Variants in PDE10A observed in about 807,000 individuals in gnomAD.
The protein encoded by PDE10A is cAMP and cAMP-inhibited cGMP 3',5'-cyclic phosphodiesterase 10A.
PDE10A carries 39 observed loss-of-function variants against 97.7 expected under a neutral mutation model. The ratio of observed to expected loss-of-function variants is 0.40; its 90% CI spans 0.31 to 0.52. The LOEUF is 0.52. Among genes scored for constraint, PDE10A ranks in the 20% least tolerant of loss-of-function variants. The pLI, the probability that PDE10A is intolerant of heterozygous loss-of-function variation, is 0.56. For missense variants in PDE10A, 731 were observed against 1,047.8 expected (o/e 0.70, Z 4.17); for synonymous variants, 371 against 376.8 (o/e 0.98, Z 0.18).
chr6:165,742,777 C>G (rs1053965814), intron 1 of PDE10A, among the ~76,000 whole-genome samples: 2 of 152,134 alleles, frequency 1.3e-5, no homozygotes, highest in Admixed American at 1.3e-4. Context: ...AGCCTCTCAG[C>G]TGTGCTCTTC....
At chr6:165,401,778 T>A (rs975315935) in intron 13 of PDE10A, among the ~76,000 whole-genome samples, 23 of 152,308 alleles carry the variant, frequency 1.5e-4, no homozygotes, top group African/African-American at 5.3e-4. Context: ...GTGCATGAAC[T>A]TTCTGAAAGC....
chr6:165,967,700 C>A (rs1784552896), intron 1 of PDE10A, among the ~76,000 whole-genome samples: 1 of 152,204 alleles, frequency 6.6e-6, no homozygotes, highest in Non-Finnish European at 1.5e-5. Flanking sequence ...TAATACACAT[C>A]TGTCTTTTAA....
At chr6:165,591,794 T>C (rs911562249) in intron 1 of PDE10A, among the ~76,000 whole-genome samples, 12 of 152,308 alleles carry the variant, frequency 7.9e-5, no homozygotes, top group South Asian at 6.2e-4. Flanking sequence ...TCTATGCTGT[T>C]TACAAGAAGA....
At chr6:165,622,388 C>A (rs1272412760) in intron 1 of PDE10A, among the ~76,000 whole-genome samples, 1 of 152,106 alleles carries the variant, frequency 6.6e-6, no homozygotes, top group Non-Finnish European at 1.5e-5. Flanking sequence ...AGTGGACTTA[C>A]ACAAACCCAT....
chr6:165,518,905 C>A (rs1172715802), intron 2 of PDE10A, among the ~76,000 whole-genome samples: 1 of 152,130 alleles, frequency 6.6e-6, no homozygotes, highest in African/African-American at 2.4e-5. Flanking sequence ...CAATTGATGG[C>A]AACAGGGTTT....
At chr6:165,980,885 G>A (rs1300537581) in intron 1 of PDE10A, among the ~76,000 whole-genome samples, 3 of 152,144 alleles carry the variant, frequency 2.0e-5, no homozygotes, top group Admixed American at 6.5e-5. Flanking sequence ...TTCATGTCAC[G>A]GTTGGGCAGT....
chr6:165,907,618 G>A (rs1158914694), intron 1 of PDE10A, among the ~76,000 whole-genome samples: 4 of 152,220 alleles, frequency 2.6e-5, no homozygotes, highest in South Asian at 4.1e-4. Context: ...TCAGGGGTTC[G>A]TGTGCTGCCC....
chr6:165,826,547 GTC>G (rs761297742), intron 1 of PDE10A, among the ~76,000 whole-genome samples: 3 of 150,790 alleles, frequency 2.0e-5, no homozygotes, highest in South Asian at 2.1e-4. Flanking sequence ...CTCTGTCCCC[GTC>G]TCTCTCTCTC....
At chr6:165,676,587 G>A (rs1192966883) in intron 1 of PDE10A, among the ~76,000 whole-genome samples, 2 of 151,992 alleles carry the variant, frequency 1.3e-5, no homozygotes, top group East Asian at 1.9e-4. Context: ...GGGGATAGCC[G>A]TGAGAGGGGT....
chr6:165,820,837 T>C (rs1779549499), intron 1 of PDE10A, among the ~76,000 whole-genome samples: 1 of 152,210 alleles, frequency 6.6e-6, no homozygotes, highest in Non-Finnish European at 1.5e-5. Context: ...CTTTACACCT[T>C]CTAAGTGAAG....
intron 1 of PDE10A, among the ~76,000 whole-genome samples, chr6:165,906,890 G>A (rs966729977): frequency 7.8e-4 from 118 of 152,166 alleles, no homozygotes; most frequent in Non-Finnish European, 8.1e-4. Context: ...ACGGTAGATC[G>A]GAGTCCAGGT....
intron 1 of PDE10A, among the ~76,000 whole-genome samples, chr6:165,653,366 G>A (rs1247493746): frequency 1.3e-5 from 2 of 152,172 alleles, no homozygotes; most frequent in Non-Finnish European, 2.9e-5. Context: ...ATGGAAGCAC[G>A]GATGAGCGGA....
rs569515594 is a variant in PDE10A, at chr6:165,599,697, C to A, written c.866-56129G>T. On this transcript the variant is annotated intron_variant, in intron 1 of 21. Transcript: ENST00000539869. ...TTATTATCATGTGAGCAAGCAAGCACCCTCCTCACCATATAATGTTGCCAT... is the reference window on the plus strand; with the variant it reads ...TTATTATCATGTGAGCAAGCAAGCAACCTCCTCACCATATAATGTTGCCAT... 2.0e-5 allele frequency among the ~76,000 whole-genome samples: 3 copies of A among 152,224 alleles called. No individual in the cohort carries two copies. The South Asian group carries it at 6.2e-4, about 32-fold the overall frequency.
chr6:165,483,043 T>A (rs944329440), intron 2 of PDE10A, among the ~76,000 whole-genome samples: 1 of 152,196 alleles, frequency 6.6e-6, no homozygotes, highest in Admixed American at 6.5e-5. Context: ...AGATACCTCC[T>A]CTTGGTCCAC....
intron 3 of PDE10A, among the ~76,000 whole-genome samples, chr6:165,475,689 C>T (rs1779254517): frequency 6.6e-6 from 1 of 152,172 alleles, no homozygotes; most frequent in African/African-American, 2.4e-5. Flanking sequence ...TGCAACAGGG[C>T]CCTGTATTTA....
intron 3 of PDE10A, among the ~76,000 whole-genome samples, chr6:165,459,522 T>TAGACAGACAGACAGACAGAC: frequency 9.4e-6 from 1 of 106,184 alleles, no homozygotes; most frequent in Non-Finnish European, 2.2e-5. Flanking sequence ...GATAGATAGA[T>TAGACAGACAGACAGACAGAC]AGACAGACAG....
At chr6:165,361,813 C>A (rs571724529) in intron 18 of PDE10A, among the ~76,000 whole-genome samples, 1 of 152,120 alleles carries the variant, frequency 6.6e-6, no homozygotes, top group Non-Finnish European at 1.5e-5. Context: ...AAGGAACCAA[C>A]GTTGCCGGTA....
At chr6:165,593,056 C>T (rs904523629) in intron 1 of PDE10A, among the ~76,000 whole-genome samples, 2 of 152,180 alleles carry the variant, frequency 1.3e-5, no homozygotes, top group Non-Finnish European at 2.9e-5. Context: ...AACCAAATGT[C>T]CATCAATGAT....
At chr6:165,518,868 G>A (rs1781974507) in intron 2 of PDE10A, among the ~76,000 whole-genome samples, 1 of 152,178 alleles carries the variant, frequency 6.6e-6, no homozygotes, top group South Asian at 2.1e-4. Context: ...ACATGTAAGG[G>A]TGGCAGTCAT....
Sources: allele counts gnomAD v4.1 joint callset (sites outside exome capture counted in the v4.1 genomes callset), GRCh38; gene constraint gnomAD v4.1.1; transcripts MANE v1.5; gene names NCBI Gene and HGNC (gene_info 2026-07-23, HGNC 2026-07-21).